Variants in MED12L observed in about 807,000 individuals in gnomAD.
The protein encoded by MED12L is mediator of RNA polymerase II transcription subunit 12-like protein.
Under a neutral mutation model 281.3 loss-of-function variants are expected in MED12L, and 60 were observed. The ratio of observed to expected loss-of-function variants is 0.21; its 90% CI spans 0.17 to 0.26. MED12L has a LOEUF of 0.26. Among genes scored for constraint, MED12L ranks in the 10% least tolerant of loss-of-function variants. The probability of loss-of-function intolerance (pLI) is 1.00; values close to 1 mark genes in which losing one functional copy is unlikely to be tolerated. For missense variants in MED12L, 2,146 were observed against 2,680.9 expected, an observed-to-expected ratio of 0.80 and a Z score of 4.41; for synonymous variants, 974 against 987.2, an observed-to-expected ratio of 0.99 and a Z score of 0.25.
At chr3:151,176,371 A>G (rs1395114830) in intron 11 of MED12L, among the ~76,000 whole-genome samples, 1 of 151,664 alleles carries the variant, frequency 6.6e-6, no homozygotes, top group African/African-American at 2.4e-5. Flanking sequence ...CAAGAGGTCC[A>G]TTACTTGCCT....
At chr3:151,167,592 C>T (rs1720882653) in intron 11 of MED12L, among the ~76,000 whole-genome samples, 1 of 152,156 alleles carries the variant, frequency 6.6e-6, no homozygotes. Context: ...AGATATGGTT[C>T]AAGACTAATG....
At chr3:151,263,488 TC>T (rs1739278705) in intron 16 of MED12L, among the ~76,000 whole-genome samples, 2 of 152,244 alleles carry the variant, frequency 1.3e-5, no homozygotes, top group Non-Finnish European at 2.9e-5. Context: ...GTTGTTTTGT[TC>T]TTTGATTTTG....
chr3:151,362,563 C>G (rs947739281), intron 21 of MED12L, among the ~76,000 whole-genome samples: 1 of 152,106 alleles, frequency 6.6e-6, no homozygotes, highest in Non-Finnish European at 1.5e-5. Flanking sequence ...CATTCTGAGC[C>G]TCAGCACTTG....
At chr3:151,369,393 T>TA in intron 25 of MED12L, 43 bp from the exon 26 acceptor site, 1 of 1,295,864 alleles carries the variant, frequency 7.7e-7, no homozygotes, top group Non-Finnish European at 1.1e-6. Context: ...AAAACATTAC[T>TA]AATGATGGTA....
Position 151,414,183 on chromosome 3 carries a change from A to G in MED12L, c.6297+888A>G, listed in dbSNP as rs146414965. ...ATATGTTCTTGTTTCTGACTTGCTT[A>G]TTTAAAAAATATAGGCCATTATGTT... On this transcript the variant is annotated intron_variant, in intron 42 of 44. Coordinates refer to ENST00000687756, the MANE Select transcript of MED12L (RefSeq NM_001393769.1). Among the ~76,000 whole-genome samples the G allele has an allele frequency of 3.0e-3, 457 of 152,260 alleles. 3 individuals carry two copies. Among genetic ancestry groups the G allele is most frequent in the African/African-American group, 0.011 (445 of 41,546 alleles).
chr3:151,205,510 G>A (rs769610422), intron 16 of MED12L, among the ~76,000 whole-genome samples: 6 of 152,026 alleles, frequency 3.9e-5, no homozygotes, highest in South Asian at 2.1e-4. Flanking sequence ...AATATTTAGC[G>A]TTTTTAAAAT....
chr3:151,376,255 T>C, intron 28 of MED12L, 41 bp downstream of exon 28: 1 of 1,335,684 alleles, frequency 7.5e-7, no homozygotes. Context: ...TTTGATAAAT[T>C]CTTCGTAATA....
intron 12 of MED12L, among the ~76,000 whole-genome samples, chr3:151,187,931 A>G (rs1056334575): frequency 2.0e-5 from 3 of 152,220 alleles, no homozygotes; most frequent in Non-Finnish European, 2.9e-5. Flanking sequence ...GCAATTTTGC[A>G]TAGGGATAAT....
intron 38 of MED12L, among the ~76,000 whole-genome samples, chr3:151,394,025 CA>C (rs1461515141): frequency 2.0e-5 from 3 of 151,916 alleles, no homozygotes; most frequent in Non-Finnish European, 4.4e-5. Flanking sequence ...TTATAATATA[CA>C]AATATGTAAA....
chr3:151,419,046 T>A (rs1717952347), intron 43 of MED12L, among the ~76,000 whole-genome samples: 1 of 152,232 alleles, frequency 6.6e-6, no homozygotes, highest in Admixed American at 6.5e-5. Flanking sequence ...CCACTTCTAC[T>A]CTTTTAGTGA....
intron 2 of MED12L, among the ~76,000 whole-genome samples, chr3:151,100,562 T>A (rs1721269158): frequency 6.6e-6 from 1 of 152,240 alleles, no homozygotes; most frequent in African/African-American, 2.4e-5. Context: ...TTTATCATTC[T>A]CCTGAGTTCT....
At chr3:151,138,977 TTATC>T (rs1419098434) in intron 5 of MED12L, among the ~76,000 whole-genome samples, 23 of 136,476 alleles carry the variant, frequency 1.7e-4, no homozygotes, top group African/African-American at 3.6e-4. Context: ...GATTTGTCTC[TTATC>T]TACCTACCTA....
At chr3:151,392,493 AAAATAAAT>A (rs150113861) in intron 38 of MED12L, among the ~76,000 whole-genome samples, 1 of 148,606 alleles carries the variant, frequency 6.7e-6, no homozygotes, top group African/African-American at 2.5e-5. Flanking sequence ...AAAAAAAGTA[AAAATAAAT>A]AAATAAATAA....
At chr3:151,213,288 G>T in intron 16 of MED12L, 1 of 1,568,642 alleles carries the variant, frequency 6.4e-7, no homozygotes, top group South Asian at 1.2e-5. Flanking sequence ...TTCTTTGGAA[G>T]AGGGTAGGAA....
chr3:151,239,831 T>C lies in MED12L; in HGVS notation c.2250+46165T>C, dbSNP rs1171014644. On this transcript the variant is annotated intron_variant, in intron 16 of 44. Coordinates refer to ENST00000687756, the MANE Select transcript of MED12L (RefSeq NM_001393769.1). ...AAGCTATTAAATATATGTATTATACTGGACTGTCTATAAATATCAAAAAAG... is the reference window on the plus strand; with the variant it reads ...AAGCTATTAAATATATGTATTATACCGGACTGTCTATAAATATCAAAAAAG... Among the ~76,000 whole-genome samples the C allele has an allele frequency of 2.0e-5, 3 of 152,234 alleles. No homozygotes were observed. The South Asian group carries it at 6.2e-4, about 32-fold the overall frequency.
At chr3:151,168,247 C>T (rs1245155708) in intron 11 of MED12L, among the ~76,000 whole-genome samples, 2 of 152,166 alleles carry the variant, frequency 1.3e-5, no homozygotes, top group Admixed American at 1.3e-4. Flanking sequence ...GTTATTAGAA[C>T]TTCTGTTCAG....
In MED12L at chr3:151,356,808, T is replaced by C. The variant is rs62283055; in HGVS notation, c.2662-405T>C. On this transcript the variant is annotated intron_variant, in intron 19 of 44. Coordinates refer to ENST00000687756, the MANE Select transcript of MED12L (RefSeq NM_001393769.1). ...ATTTGAGTTCATTATTTCCTTCTGC[T>C]ATTAGCAAACAGAAATAAGACTTGG... Among the ~76,000 whole-genome samples the C allele has an allele frequency of 6.1e-3, 922 of 152,372 alleles. 30 individuals carry two copies. In the East Asian group the frequency reaches 0.091, roughly 15 times the overall value.
intron 31 of MED12L, among the ~76,000 whole-genome samples, chr3:151,378,518 T>C (rs1711631662): frequency 6.6e-6 from 1 of 151,832 alleles, no homozygotes; most frequent in African/African-American, 2.4e-5. Context: ...TATTTAGATA[T>C]TTATGTTTAA....
intron 5 of MED12L, among the ~76,000 whole-genome samples, chr3:151,154,847 T>A (rs181420049): frequency 5.1e-4 from 78 of 152,366 alleles, no homozygotes; most frequent in African/African-American, 1.8e-3. Flanking sequence ...GCCAATGGAC[T>A]AACTTTAATA....
Sources: allele counts gnomAD v4.1 joint callset (sites outside exome capture counted in the v4.1 genomes callset), GRCh38; gene constraint gnomAD v4.1.1; transcripts MANE v1.5; gene names NCBI Gene and HGNC (gene_info 2026-07-23, HGNC 2026-07-21).